Variants in OPCML observed in about 807,000 individuals in gnomAD.
OPCML encodes the protein opioid binding protein/cell adhesion molecule like.
A neutral mutation model predicts 37.8 loss-of-function variants in OPCML; 13 were observed. The ratio of observed to expected loss-of-function variants is 0.34; its 90% CI spans 0.22 to 0.55. The LOEUF is 0.55. Among genes scored for constraint, OPCML ranks in the 20% least tolerant of loss-of-function variants. The probability of loss-of-function intolerance (pLI) is 0.91; values close to 1 mark genes in which losing one functional copy is unlikely to be tolerated. For synonymous variants in OPCML, 176 were observed against 168.8 expected (o/e 1.04, Z -0.33); for missense variants, 341 against 435.6 (o/e 0.78, Z 1.93).
At chr11:132,730,008 C>CTTTTTTTTTTTTT (rs11389495) in intron 2 of OPCML, among the ~76,000 whole-genome samples, 2 of 88,472 alleles carry the variant, frequency 2.3e-5, no homozygotes, top group Non-Finnish European at 4.1e-5. Context: ...TTCTATGTGA[C>CTTTTTTTTTTTTT]TTTTTTTTTT....
At chr11:132,802,423 T>A (rs1433459541) in intron 2 of OPCML, among the ~76,000 whole-genome samples, 1 of 152,186 alleles carries the variant, frequency 6.6e-6, no homozygotes, top group Non-Finnish European at 1.5e-5. Context: ...TTGCTCAGCC[T>A]GGTCTATGCT....
intron 1 of OPCML, among the ~76,000 whole-genome samples, chr11:133,070,877 A>G (rs937256967): frequency 7.9e-5 from 12 of 152,094 alleles, no homozygotes; most frequent in African/African-American, 2.9e-4. Flanking sequence ...GAGAGTTCAT[A>G]CCCTGAGCTC....
intron 2 of OPCML, among the ~76,000 whole-genome samples, chr11:132,775,011 G>C (rs1016978042): frequency 6.6e-6 from 1 of 152,204 alleles, no homozygotes; most frequent in Non-Finnish European, 1.5e-5. Context: ...ACTGCCGTCA[G>C]AATGAATATG....
At position 133,212,558 on chromosome 11, in the gene OPCML, G is replaced by T. The variant is rs144854787; in HGVS notation, c.62-269548C>A. On this transcript the variant is annotated intron_variant, in intron 1 of 7. Coordinates refer to ENST00000524381, the MANE Select transcript of OPCML (RefSeq NM_001012393.5). This position sits in a 1 kb window ranked among gnomAD's most constrained non-coding sequence, Gnocchi z 4.9. ...AGTTGTAACCTACTCTGCTCACCCC[G>T]CTGCACTCTTGATCTCCCTTACTCT... Among the ~76,000 whole-genome samples, 470 of 152,214 alleles carry T rather than the reference G, an allele frequency of 3.1e-3. 1 individual carries two copies. The highest frequency in any genetic ancestry group is 5.4e-3 in the Non-Finnish European group (370 of 68,020).
At chr11:132,594,865 A>G (rs1466716080) in intron 3 of OPCML, among the ~76,000 whole-genome samples, 2 of 152,208 alleles carry the variant, frequency 1.3e-5, no homozygotes, top group African/African-American at 4.8e-5. Context: ...AGTCCACACT[A>G]CTAGTTAATG....
chr11:133,460,119 C>A (rs1180778393), intron 1 of OPCML, among the ~76,000 whole-genome samples: 4 of 151,514 alleles, frequency 2.6e-5, no homozygotes, highest in Non-Finnish European at 5.9e-5. Context: ...CTTTAAACAA[C>A]CAAAAAAGAA....
intron 3 of OPCML, among the ~76,000 whole-genome samples, chr11:132,645,548 C>T (rs1024802052): frequency 2.0e-5 from 3 of 152,180 alleles, no homozygotes; most frequent in African/African-American, 7.2e-5. Flanking sequence ...ATTATGGAGC[C>T]ACCTCCTCTG....
At chr11:133,524,464 A>G (rs1390022385) in intron 1 of OPCML, among the ~76,000 whole-genome samples, 1 of 151,930 alleles carries the variant, frequency 6.6e-6, no homozygotes, top group African/African-American at 2.4e-5. Flanking sequence ...TTTGATTGGT[A>G]CAGTTTTTGC....
intron 3 of OPCML, among the ~76,000 whole-genome samples, chr11:132,644,081 A>G: frequency 6.6e-6 from 1 of 152,226 alleles, no homozygotes; most frequent in Non-Finnish European, 1.5e-5. Context: ...TCTTCTGCCA[A>G]CCTATAAATT....
In OPCML at chr11:132,969,537, G is replaced by A. The variant is rs1279704578; in HGVS notation, c.62-26527C>T. Among the ~76,000 whole-genome samples the A allele has an allele frequency of 3.9e-5, 6 of 152,266 alleles. No homozygotes were observed. The South Asian group carries it at 1.0e-3, about 26-fold the overall frequency. ...CTCCTCTTGTTCTGGGACCCCCCCTGCAACTGTGTTTAAATTGTTGTACTT... is the reference window on the plus strand; with the variant it reads ...CTCCTCTTGTTCTGGGACCCCCCCTACAACTGTGTTTAAATTGTTGTACTT... On this transcript the variant is annotated intron_variant, in intron 1 of 7. Transcript: ENST00000524381.
chr11:133,093,172 C>A (rs371278848), intron 1 of OPCML, among the ~76,000 whole-genome samples: 1 of 152,048 alleles, frequency 6.6e-6, no homozygotes, highest in Non-Finnish European at 1.5e-5. Flanking sequence ...GTACCCATCA[C>A]CCAAGCAGTG....
chr11:132,887,447 T>C (rs538567475), intron 2 of OPCML, among the ~76,000 whole-genome samples: 2 of 152,328 alleles, frequency 1.3e-5, no homozygotes, highest in South Asian at 4.1e-4. Flanking sequence ...TAAAATGGAT[T>C]GAATGCATAC....
rs576518855 is a variant in OPCML at position 132,632,017 on chromosome 11, G to A, written c.379+25070C>T. 3.9e-5 allele frequency among the ~76,000 whole-genome samples: 6 copies of A among 152,070 alleles called. No individual in the cohort carries two copies. In the East Asian group the frequency reaches 5.8e-4, roughly 15 times the overall value. On this transcript the variant is annotated intron_variant, in intron 3 of 7. Coordinates refer to ENST00000524381, the MANE Select transcript of OPCML (RefSeq NM_001012393.5). ...GGTTTTCAGCTGGGTAACGAAACAC[G>A]TAGCTGGAAATGAAAATGTGGCAGC...
chr11:132,419,593 T>G lies in OPCML; in HGVS notation c.*600A>C, dbSNP rs1220274393. The G allele has an allele frequency of 2.6e-5, 4 of 152,234 alleles. No homozygotes were observed. The allele number at this position is 152,234 out of a possible 1,614,324, so 9.4% of individuals were successfully genotyped here. On this transcript the variant is annotated 3_prime_UTR_variant, in exon 8 of 8. Coordinates refer to ENST00000524381, the MANE Select transcript of OPCML (RefSeq NM_001012393.5). The stretch of plus-strand genomic sequence containing the variant: ...GAAGGAATGAGTAGAGCGGAGGGGC[T>G]ACAGAAGATGGCACAATCATCTATA...
intron 1 of OPCML, among the ~76,000 whole-genome samples, chr11:133,516,372 C>A (rs1020647825): frequency 3.9e-5 from 6 of 152,244 alleles, no homozygotes; most frequent in African/African-American, 1.2e-4. Flanking sequence ...GAGCCACATC[C>A]GAGGCTTCTA....
intron 1 of OPCML, chr11:133,361,960 C>A (rs1944432500): frequency 6.6e-6 from 1 of 152,390 alleles, no homozygotes. Flanking sequence ...ACCACCATGC[C>A]GCCGTCCGAG....
intron 1 of OPCML, among the ~76,000 whole-genome samples, chr11:133,283,070 G>A (rs556349965): frequency 3.3e-5 from 5 of 152,264 alleles, no homozygotes; most frequent in South Asian, 2.1e-4. Context: ...ATGTTGGAAC[G>A]AGTTAAGGCT....
intron 1 of OPCML, among the ~76,000 whole-genome samples, chr11:133,029,138 G>T (rs1947620240): frequency 6.6e-6 from 1 of 152,180 alleles, no homozygotes; most frequent in South Asian, 2.1e-4. Flanking sequence ...AATCATTAGA[G>T]AAATGCAAAT....
intron 3 of OPCML, among the ~76,000 whole-genome samples, chr11:132,597,956 C>T (rs1565697003): frequency 2.0e-5 from 3 of 152,050 alleles, no homozygotes; most frequent in Non-Finnish European, 4.4e-5. Context: ...CTGGAACGCC[C>T]TCTTGTTTCT....
Sources: allele counts gnomAD v4.1 joint callset (sites outside exome capture counted in the v4.1 genomes callset), GRCh38; gene constraint gnomAD v4.1.1; non-coding constraint Gnocchi (gnomAD v3.1); transcripts MANE v1.5; gene names NCBI Gene and HGNC (gene_info 2026-07-23, HGNC 2026-07-21).